The following THSD7B variants were observed in gnomAD, a reference collection of about 807,000 sequenced individuals.
THSD7B encodes the protein thrombospondin type-1 domain-containing protein 7B.
Under a neutral mutation model 213.6 loss-of-function variants are expected in THSD7B, and 138 were observed. The observed-to-expected ratio is 0.65, with a 90% confidence interval of 0.56 to 0.74. The LOEUF is 0.74. THSD7B is among the 30% of genes least tolerant of loss of function. The pLI is 0.00. For synonymous variants in THSD7B, 742 were observed against 687.0 expected (o/e 1.08, Z -1.25); for missense variants, 1,931 against 1,991.5 (o/e 0.97, Z 0.58).
rs372873583 is a variant in THSD7B, at chr2:137,672,781, C to CA, written c.4740-3736dup. Among the ~76,000 whole-genome samples, 299 of 152,106 alleles carry CA rather than the reference C, an allele frequency of 2.0e-3. 1 individual carries two copies. The highest frequency in any genetic ancestry group is 6.4e-3 in the African/African-American group (267 of 41,508). Reference sequence around the variant, plus strand: ...CTTGAAAATGCTTCTGAGAAAATGTCAAAAAAATAGCCTTCTAAAGACTAC... The same window carrying CA: ...CTTGAAAATGCTTCTGAGAAAATGTCAAAAAAAATAGCCTTCTAAAGACTAC... On this transcript the variant is annotated intron_variant, in intron 27 of 27. Coordinates refer to ENST00000409968, the MANE Select transcript of THSD7B (RefSeq NM_001316349.2).
intron 2 of THSD7B, among the ~76,000 whole-genome samples, chr2:137,035,161 T>A (rs1408952589): frequency 1.3e-4 from 20 of 152,208 alleles, no homozygotes; most frequent in Non-Finnish European, 1.5e-5. Context: ...TTCCCTTTTT[T>A]TGGAAGTTGT....
intron 2 of THSD7B, among the ~76,000 whole-genome samples, chr2:136,951,511 G>C (rs1685038360): frequency 6.6e-6 from 1 of 152,136 alleles, no homozygotes; most frequent in Non-Finnish European, 1.5e-5. Context: ...CAAATGTCTA[G>C]CTTATTCTGC....
chr2:137,144,143 C>T (rs1679645112), intron 5 of THSD7B, among the ~76,000 whole-genome samples: 1 of 151,894 alleles, frequency 6.6e-6, no homozygotes, highest in African/African-American at 2.4e-5. Context: ...CAAGTAGTGC[C>T]TTTTGAGGCA....
In THSD7B at chr2:136,969,144, T is replaced by C. The variant is rs1288388052; in HGVS notation, c.139+86827T>C. ...TTGCTTTGATTCTCTTACCTCTGTG[T>C]CTTAGACTTCTTGGATTTTTCTTTC... On this transcript the variant is annotated intron_variant, in intron 2 of 27. Coordinates refer to ENST00000409968, the MANE Select transcript of THSD7B (RefSeq NM_001316349.2). Among the ~76,000 whole-genome samples, 21 of 152,314 alleles carry C rather than the reference T, an allele frequency of 1.4e-4. No homozygotes were observed. The East Asian group carries it at 3.7e-3, about 27-fold the overall frequency.
At chr2:136,800,477 A>C (rs1374057242) in intron 1 of THSD7B, among the ~76,000 whole-genome samples, 3 of 152,014 alleles carry the variant, frequency 2.0e-5, no homozygotes, top group Non-Finnish European at 4.4e-5. Flanking sequence ...GAGTTGTAGC[A>C]TAGTCCAGCT....
intron 12 of THSD7B, among the ~76,000 whole-genome samples, chr2:137,362,818 A>G (rs557682027): frequency 1.3e-5 from 2 of 152,308 alleles, no homozygotes; most frequent in South Asian, 4.1e-4. Flanking sequence ...TCAATAGTAG[A>G]CAGATCAATG....
intron 3 of THSD7B, among the ~76,000 whole-genome samples, chr2:137,083,787 T>G (rs1414686051): frequency 3.3e-5 from 5 of 152,178 alleles, no homozygotes; most frequent in Admixed American, 1.3e-4. Flanking sequence ...TAGAAGCAAC[T>G]GTTCCCTTGT....
chr2:137,035,564 T>A (rs1573780085), intron 2 of THSD7B, among the ~76,000 whole-genome samples: 1 of 150,458 alleles, frequency 6.6e-6, no homozygotes, highest in East Asian at 1.9e-4. Context: ...TTTGTTTTGT[T>A]TTTTTTTTTA....
chr2:136,987,888 A>G (rs1340261155), intron 2 of THSD7B, among the ~76,000 whole-genome samples: 4 of 152,214 alleles, frequency 2.6e-5, no homozygotes, highest in Non-Finnish European at 4.4e-5. Flanking sequence ...CCACATCTTT[A>G]GATTAATATG....
At chr2:137,436,445 T>G (rs1276171864) in intron 14 of THSD7B, among the ~76,000 whole-genome samples, 2 of 152,178 alleles carry the variant, frequency 1.3e-5, no homozygotes, top group African/African-American at 4.8e-5. Context: ...ATACACACAA[T>G]TTGATTCCAG....
chr2:137,109,568 G>A (rs1262769842), intron 4 of THSD7B, among the ~76,000 whole-genome samples: 2 of 152,202 alleles, frequency 1.3e-5, no homozygotes, highest in African/African-American at 4.8e-5. Context: ...GGTGATGGGA[G>A]GCAGTGATGG....
At chr2:137,047,263 G>A (rs905913443) in intron 2 of THSD7B, among the ~76,000 whole-genome samples, 1 of 152,160 alleles carries the variant, frequency 6.6e-6, no homozygotes, top group African/African-American at 2.4e-5. Context: ...CAGAGCTGGT[G>A]GGTGATTGAA....
chr2:137,403,399 A>G (rs1033791183), intron 12 of THSD7B, among the ~76,000 whole-genome samples: 2 of 152,264 alleles, frequency 1.3e-5, no homozygotes, highest in Middle Eastern at 3.2e-3. Flanking sequence ...AGGAGCCCAT[A>G]TGTACACTTA....
At chr2:137,327,951 C>T (rs747256529) in intron 12 of THSD7B, among the ~76,000 whole-genome samples, 8 of 151,988 alleles carry the variant, frequency 5.3e-5, no homozygotes, top group Non-Finnish European at 8.8e-5. Context: ...ACATTTTTTT[C>T]GCAGCTGGAT....
intron 17 of THSD7B, among the ~76,000 whole-genome samples, chr2:137,582,325 T>A (rs988383322): frequency 2.0e-5 from 3 of 152,094 alleles, no homozygotes; most frequent in African/African-American, 4.8e-5. Flanking sequence ...TTGTTAAATG[T>A]AGGAAATAGT....
In THSD7B at chr2:137,091,135, A is replaced by T. The variant is rs186614570; in HGVS notation, c.951-3738A>T. ...TCTTGGAAAGAAAACAAGAATTAGG[A>T]TCCCTTTTCGAAAATATAAAAGCCT... On this transcript the variant is annotated intron_variant, in intron 3 of 27. Coordinates refer to ENST00000409968, the MANE Select transcript of THSD7B (RefSeq NM_001316349.2). Among the ~76,000 whole-genome samples, 9 of 152,340 alleles carry T rather than the reference A, an allele frequency of 5.9e-5. No individual in the cohort carries two copies. The South Asian group carries it at 1.4e-3, about 25-fold the overall frequency.
intron 3 of THSD7B, among the ~76,000 whole-genome samples, chr2:137,061,796 A>G (rs528611147): frequency 1.9e-4 from 29 of 151,866 alleles, no homozygotes; most frequent in African/African-American, 7.0e-4. Flanking sequence ...ATGTATGTTT[A>G]TGAGAAATGT....
intron 2 of THSD7B, among the ~76,000 whole-genome samples, chr2:136,887,871 T>C (rs1016440404): frequency 6.6e-6 from 1 of 152,162 alleles, no homozygotes; most frequent in Non-Finnish European, 1.5e-5. Context: ...AAAAAGTTGT[T>C]TAACCTCTCT....
chr2:137,254,841 C>G (rs1682267238), intron 10 of THSD7B, among the ~76,000 whole-genome samples: 2 of 151,812 alleles, frequency 1.3e-5, no homozygotes, highest in Admixed American at 6.6e-5. Flanking sequence ...ATTTTATAAA[C>G]AGAAGATACT....
Sources: allele counts gnomAD v4.1 joint callset (sites outside exome capture counted in the v4.1 genomes callset), GRCh38; gene constraint gnomAD v4.1.1; transcripts MANE v1.5; gene names NCBI Gene and HGNC (gene_info 2026-07-23, HGNC 2026-07-21).